PAX2: variants seen among roughly 807,000 people sequenced by gnomAD.
PAX2 encodes paired box 2, also known as paired box protein Pax-2.
In PAX2, 9 loss-of-function variants were observed where a neutral mutation model predicts 41.7. The ratio of observed to expected loss-of-function variants is 0.22; its 90% CI spans 0.13 to 0.38. The LOEUF (loss-of-function observed/expected upper bound fraction) is 0.38. PAX2 is among the 10% of genes least tolerant of loss of function. The probability of loss-of-function intolerance (pLI) is 1.00; values close to 1 mark genes in which losing one functional copy is unlikely to be tolerated. For synonymous variants in PAX2, 221 were observed against 212.7 expected (o/e 1.04, Z -0.34); for missense variants, 418 against 531.6 (o/e 0.79, Z 2.10).
chr10:100,809,518 C>G (rs563933830), intron 7 of PAX2, among the ~76,000 whole-genome samples: 20 of 152,352 alleles, frequency 1.3e-4, no homozygotes, highest in Non-Finnish European at 2.6e-4. Context: ...GTCTATTTCT[C>G]TTCCCTCTCC....
At chr10:100,790,705 C>T (rs1425754522) in intron 5 of PAX2, among the ~76,000 whole-genome samples, 1 of 152,216 alleles carries the variant, frequency 6.6e-6, no homozygotes, top group Non-Finnish European at 1.5e-5. Flanking sequence ...AGATCCCTGC[C>T]TGCCAGCGGA....
chr10:100,827,119 G>C lies in PAX2; in HGVS notation c.1108+24G>C. Reference sequence around the variant, plus strand: ...AAGTGAGTACGCCACCTGGCTGGCCGGCGGCTCAGCGCGGCCGCGCGGCTT... The same window carrying C: ...AAGTGAGTACGCCACCTGGCTGGCCCGCGGCTCAGCGCGGCCGCGCGGCTT... On this transcript the variant is annotated intron_variant, in intron 9 of 9. Transcript: ENST00000355243. This position sits in a 1 kb window ranked among gnomAD's most constrained non-coding sequence, Gnocchi z 8.5. 5 of 1,589,054 alleles carry C rather than the reference G, an allele frequency of 3.1e-6. No homozygotes were observed. The highest frequency in any genetic ancestry group is 2.2e-5 in the East Asian group (1 of 44,700).
intron 5 of PAX2, 48 bp downstream of exon 5, chr10:100,781,413 T>C (rs1267375059): frequency 1.9e-5 from 30 of 1,608,274 alleles, no homozygotes; most frequent in Non-Finnish European, 2.4e-5. Context: ...TGCTTTGTCC[T>C]TGGACTCCAA....
In PAX2 at chr10:100,746,287, C is replaced by T. The variant is rs779214698; in HGVS notation, c.27C>T (p.Pro9=). The change falls in exon 1 of 10, where the codon CCC becomes CCT. Residue 9 remains proline (P), a synonymous_variant. Transcript: ENST00000355243. MDMHCKAD[P]FSAMHPGHGG... ...TGGATATGCACTGCAAAGCAGACCC[C>T]TTCTCCGCGATGCACCGTGAGTACC... 1 of 1,611,698 alleles carries T rather than the reference C, an allele frequency of 6.2e-7. No homozygotes were observed.
Position 100,766,744 on chromosome 10 carries a change from A to G in PAX2, c.411-12754A>G, listed in dbSNP as rs372439712. 7.9e-5 allele frequency among the ~76,000 whole-genome samples: 12 copies of G among 152,330 alleles called. No individual in the cohort carries two copies. In the East Asian group the frequency reaches 1.3e-3, roughly 17 times the overall value. ...GCAAATGACCAGGCCAGAGTAAGCT[A>G]AAAAAGCTAAAGGATGGATCCTCTC... On this transcript the variant is annotated intron_variant, in intron 3 of 9. Coordinates refer to ENST00000355243, the MANE Select transcript of PAX2 (RefSeq NM_000278.5).
chr10:100,827,650 C>A lies in PAX2; in HGVS notation c.*31C>A. On this transcript the variant is annotated 3_prime_UTR_variant, in exon 10 of 10. Transcript: ENST00000355243. The surrounding 1 kb of genome is among the most constrained non-coding windows in gnomAD (Gnocchi z 8.5). Reference sequence around the variant, plus strand: ...GCGGGGACCACATCAAGCTTCAGGCCGACAGCTTCGGCCTCCACATCGTCC... The same window carrying A: ...GCGGGGACCACATCAAGCTTCAGGCAGACAGCTTCGGCCTCCACATCGTCC... 6.2e-7 allele frequency: 1 copy of A among 1,613,858 alleles called. No individual in the cohort carries two copies. The highest frequency in any genetic ancestry group is 8.5e-7 in the Non-Finnish European group (1 of 1,179,918).
intron 1 of PAX2, chr10:100,749,338 G>A (rs1454153491): frequency 3.0e-6 from 3 of 1,011,380 alleles, no homozygotes; most frequent in African/African-American, 3.4e-5. Flanking sequence ...CGGGTTGCCT[G>A]CGGCGCAGGC....
At chr10:100,751,264 G>A (rs1845430597) in intron 3 of PAX2, among the ~76,000 whole-genome samples, 1 of 152,162 alleles carries the variant, frequency 6.6e-6, no homozygotes, top group Admixed American at 6.5e-5. Flanking sequence ...CAAACAGACT[G>A]GCCTTTCTAA....
At chr10:100,786,187 T>C (rs1189614546) in intron 5 of PAX2, among the ~76,000 whole-genome samples, 1 of 152,226 alleles carries the variant, frequency 6.6e-6, no homozygotes, top group African/African-American at 2.4e-5. Flanking sequence ...TGGGATTAGC[T>C]AACCCGGATG....
intron 5 of PAX2, among the ~76,000 whole-genome samples, chr10:100,783,270 T>C (rs1460756968): frequency 6.6e-6 from 1 of 152,250 alleles, no homozygotes; most frequent in Non-Finnish European, 1.5e-5. Flanking sequence ...GAACAAGATA[T>C]GATTCTTGTC....
intron 7 of PAX2, among the ~76,000 whole-genome samples, chr10:100,821,917 A>G (rs1195323519): frequency 6.6e-6 from 1 of 152,218 alleles, no homozygotes; most frequent in Non-Finnish European, 1.5e-5. Context: ...CGTCTTCCCT[A>G]ACTCGATCCT....
At position 100,773,361 on chromosome 10, in the gene PAX2, C is replaced by T. The variant is rs1846277648; in HGVS notation, c.411-6137C>T. 2.0e-5 allele frequency among the ~76,000 whole-genome samples: 3 copies of T among 152,266 alleles called. No individual in the cohort carries two copies. In the South Asian group the frequency reaches 6.2e-4, roughly 32 times the overall value. The stretch of plus-strand genomic sequence containing the variant: ...AGCCTAGTCCAGTAAATGCTGCCAC[C>T]TCACTCCTCCCAAGGTGAGCTGTCT... On this transcript the variant is annotated intron_variant, in intron 3 of 9. Coordinates refer to ENST00000355243, the MANE Select transcript of PAX2 (RefSeq NM_000278.5).
intron 5 of PAX2, among the ~76,000 whole-genome samples, chr10:100,784,339 G>A (rs1846762008): frequency 6.6e-6 from 1 of 152,218 alleles, no homozygotes; most frequent in African/African-American, 2.4e-5. Context: ...ATACTGACCA[G>A]GGGACTAAGG....
chr10:100,739,631 C>T (rs1210805538), intron 1 of PAX2, among the ~76,000 whole-genome samples: 3 of 152,242 alleles, frequency 2.0e-5, no homozygotes, highest in East Asian at 1.9e-4. Flanking sequence ...GGTCTCCCAG[C>T]CTCTGGAGTG....
chr10:100,810,690 A>T (rs1301025926), intron 7 of PAX2, among the ~76,000 whole-genome samples: 1 of 152,216 alleles, frequency 6.6e-6, no homozygotes, highest in Admixed American at 6.5e-5. Context: ...GTTCAAAGAG[A>T]ACCCGGGAGA....
At position 100,746,105 on chromosome 10, in the gene PAX2, T is replaced by C. The variant is rs1845157703; in HGVS notation, c.-156T>C. Reference sequence around the variant, plus strand: ...GGAGGAGCCCCAGCGGGGAGCGCAGTGCTGCGCCCCCCGCCCCCGCGCGCC... The same window carrying C: ...GGAGGAGCCCCAGCGGGGAGCGCAGCGCTGCGCCCCCCGCCCCCGCGCGCC... On this transcript the variant is annotated 5_prime_UTR_variant, in exon 1 of 10. Transcript: ENST00000355243. 1.9e-6 allele frequency: 3 copies of C among 1,551,800 alleles called. No individual in the cohort carries two copies. The highest frequency in any genetic ancestry group is 2.4e-5 in the South Asian group (2 of 83,536).
At chr10:100,817,169 C>T (rs1357361159) in intron 7 of PAX2, among the ~76,000 whole-genome samples, 2 of 152,126 alleles carry the variant, frequency 1.3e-5, no homozygotes, top group African/African-American at 2.4e-5. Flanking sequence ...TTGTGATTTG[C>T]TCATGGAGCC....
At chr10:100,794,863 T>G (rs2133926631) in intron 5 of PAX2, among the ~76,000 whole-genome samples, 1 of 1,400 alleles carries the variant, frequency 7.1e-4, no homozygotes, top group Non-Finnish European at 1.1e-3. Context: ...TGTAATTGAT[T>G]TTTTTTTTAG....
Position 100,827,010 on chromosome 10 carries a change from G to T in PAX2, c.1023G>T (p.Gly341=), listed in dbSNP as rs1229514408. 1.2e-6 allele frequency: 2 copies of T among 1,612,390 alleles called. No individual in the cohort carries two copies. Among genetic ancestry groups the T allele is most frequent in the East Asian group, 4.5e-5 (2 of 44,874 alleles). The change falls in exon 9 of 10, where the codon GGG becomes GGT. Residue 341 remains glycine (G), a splice_region_variant and synonymous_variant. Transcript: ENST00000355243. The surrounding 1 kb of genome is among the most constrained non-coding windows in gnomAD (Gnocchi z 8.5). ...PTSTLAGMVP[G]SEFSGNPYSH... is the part of the protein sequence containing the mutation. Reference sequence around the variant, plus strand: ...CCCCACTCCCCGACCCTCCCGCAGGGAGCGAGTTCTCCGGCAACCCGTACA... The same window carrying T: ...CCCCACTCCCCGACCCTCCCGCAGGTAGCGAGTTCTCCGGCAACCCGTACA...
Sources: allele counts gnomAD v4.1 joint callset (sites outside exome capture counted in the v4.1 genomes callset), GRCh38; gene constraint gnomAD v4.1.1; non-coding constraint Gnocchi (gnomAD v3.1); transcripts MANE v1.5; gene names NCBI Gene and HGNC (gene_info 2026-07-23, HGNC 2026-07-21).